The following UBE4B variants were observed in gnomAD, a reference collection of about 807,000 sequenced individuals.
UBE4B encodes the protein ubiquitination factor E4B, also known as ubiquitin conjugation factor E4 B.
UBE4B carries 27 observed loss-of-function variants against 148.1 expected under a neutral mutation model. The observed-to-expected ratio is 0.18, with a 90% CI of 0.13 to 0.25. The LOEUF is 0.25. UBE4B is among the 10% of genes least tolerant of loss of function. UBE4B has a pLI of 1.00. For synonymous variants in UBE4B, 596 were observed against 619.3 expected (o/e 0.96, Z 0.56); for missense variants, 1,170 against 1,662.4 (o/e 0.70, Z 5.15).
Position 10,150,864 on chromosome 1 carries a change from A to G in UBE4B, c.2691-462A>G, listed in dbSNP as rs1168992828. 3.2e-5 allele frequency among the ~76,000 whole-genome samples: 4 copies of G among 123,346 alleles called. No individual in the cohort carries two copies. In the East Asian group the frequency reaches 8.5e-4, roughly 26 times the overall value. The allele number at this position is 123,346 out of a possible 152,430, so 80.9% of individuals were successfully genotyped here. A position where few individuals can be genotyped will look rare whatever the true frequency, so the allele number is the denominator to read the frequency against. ...AACACAGCGAGGCTCCATCTCAAGA[A>G]AAAAAAAAAAAAATAGGCTGGGCGC... On this transcript the variant is annotated intron_variant, in intron 20 of 27. Transcript: ENST00000343090.
chr1:10,111,967 A>AG (rs1173760055), intron 7 of UBE4B, among the ~76,000 whole-genome samples: 1 of 152,116 alleles, frequency 6.6e-6, no homozygotes, highest in Non-Finnish European at 1.5e-5. Context: ...AAAAAAAAAA[A>AG]AAGAAAGAAA....
At chr1:10,140,705 T>A (rs1478771793) in intron 17 of UBE4B, among the ~76,000 whole-genome samples, 4 of 152,194 alleles carry the variant, frequency 2.6e-5, no homozygotes, top group Non-Finnish European at 5.9e-5. Flanking sequence ...CAGAGACATT[T>A]ATGTTCACCT....
intron 2 of UBE4B, among the ~76,000 whole-genome samples, chr1:10,093,190 C>T (rs997048142): frequency 9.2e-5 from 14 of 152,040 alleles, no homozygotes; most frequent in Non-Finnish European, 1.8e-4. Flanking sequence ...TTATTTACTA[C>T]CATAATGATC....
intron 17 of UBE4B, among the ~76,000 whole-genome samples, chr1:10,139,323 G>A (rs898259432): frequency 4.6e-5 from 7 of 152,042 alleles, no homozygotes; most frequent in Admixed American, 2.6e-4. Flanking sequence ...CCCGGGAGGC[G>A]GAGGTTGTAG....
chr1:10,159,257 C>T (rs1646122489), intron 22 of UBE4B, among the ~76,000 whole-genome samples: 1 of 152,132 alleles, frequency 6.6e-6, no homozygotes, highest in Non-Finnish European at 1.5e-5. Context: ...CATATACCTA[C>T]CTGAAATCTG....
At chr1:10,060,937 C>T (rs144616093) in intron 1 of UBE4B, among the ~76,000 whole-genome samples, 4 of 152,020 alleles carry the variant, frequency 2.6e-5, no homozygotes, top group African/African-American at 9.6e-5. Flanking sequence ...GTAGAGAAGT[C>T]ATCTTACTAT....
At chr1:10,044,214 C>T (rs755003948) in intron 1 of UBE4B, among the ~76,000 whole-genome samples, 42 of 152,100 alleles carry the variant, frequency 2.8e-4, no homozygotes, top group Middle Eastern at 3.4e-3. Context: ...CCACCATGCC[C>T]GGCTAATTTT....
At position 10,106,731 on chromosome 1, in the gene UBE4B, C is replaced by A; in HGVS notation, c.1196+148C>A. The A allele has an allele frequency of 8.9e-7, 1 of 1,119,360 alleles. No homozygotes were observed. Among genetic ancestry groups the A allele is most frequent in the South Asian group, 1.9e-5 (1 of 52,708 alleles). The allele number at this position is 1,119,360 out of a possible 1,614,324, so 69.3% of individuals were successfully genotyped here. ...GTGTGGCTAACTAGTTTGGTAGGCACGTACTCTGAGTCCATGCTTCTGCCA... is the reference window on the plus strand; with the variant it reads ...GTGTGGCTAACTAGTTTGGTAGGCAAGTACTCTGAGTCCATGCTTCTGCCA... On this transcript the variant is annotated intron_variant, in intron 7 of 27. Transcript: ENST00000343090. This position sits in a 1 kb window ranked among gnomAD's most constrained non-coding sequence, Gnocchi z 4.2.
intron 2 of UBE4B, among the ~76,000 whole-genome samples, chr1:10,092,068 AAGG>A (rs1228643875): frequency 6.6e-6 from 1 of 151,922 alleles, no homozygotes; most frequent in Non-Finnish European, 1.5e-5. Context: ...AAATTTAAGA[AAGG>A]AGAGAAATGG....
chr1:10,054,598 G>A (rs759696481), intron 1 of UBE4B: 18 of 259,296 alleles, frequency 6.9e-5, no homozygotes, highest in Non-Finnish European at 1.1e-4. Context: ...CCTTTAGAGC[G>A]CTTAATGTGC....
At chr1:10,113,429 C>A (rs1202495287) in intron 7 of UBE4B, among the ~76,000 whole-genome samples, 1 of 152,232 alleles carries the variant, frequency 6.6e-6, no homozygotes, top group Admixed American at 6.5e-5. Context: ...CCAAAACACA[C>A]TGAGCTCTTT....
At position 10,126,013 on chromosome 1, in the gene UBE4B, A is replaced by G. The variant is rs569614027; in HGVS notation, c.1555-781A>G. 2.0e-5 allele frequency among the ~76,000 whole-genome samples: 3 copies of G among 152,262 alleles called. No homozygotes were observed. The South Asian group carries it at 6.2e-4, about 32-fold the overall frequency. On this transcript the variant is annotated intron_variant, in intron 10 of 27. Coordinates refer to ENST00000343090, the MANE Select transcript of UBE4B (RefSeq NM_001105562.3). ...GGGGAAAAGCTTTTAAAAAATATTG[A>G]TAGAGGGCCAAGCGCGGTAGCTCAT...
chr1:10,158,801 G>T (rs1646114268), intron 22 of UBE4B, among the ~76,000 whole-genome samples: 1 of 152,094 alleles, frequency 6.6e-6, no homozygotes, highest in South Asian at 2.1e-4. Flanking sequence ...TTGAGGTCAG[G>T]AGTTCAAAAC....
chr1:10,056,094 G>A (rs1021257142), intron 1 of UBE4B, among the ~76,000 whole-genome samples: 7 of 152,182 alleles, frequency 4.6e-5, no homozygotes, highest in Non-Finnish European at 7.4e-5. Context: ...TTCTGCAGCA[G>A]GAAACCTTCT....
At chr1:10,109,806 A>G (rs1645188856) in intron 7 of UBE4B, among the ~76,000 whole-genome samples, 1 of 152,084 alleles carries the variant, frequency 6.6e-6, no homozygotes, top group Non-Finnish European at 1.5e-5. Context: ...GCATGCCACC[A>G]CACCTGGCTA....
intron 7 of UBE4B, among the ~76,000 whole-genome samples, chr1:10,109,214 CG>C (rs1645173948): frequency 6.6e-6 from 1 of 150,710 alleles, no homozygotes; most frequent in African/African-American, 2.4e-5. Context: ...ACGGGGGGGC[CG>C]GGGGGACAGA....
At chr1:10,162,598 G>A (rs1004804172) in intron 23 of UBE4B, among the ~76,000 whole-genome samples, 9 of 150,038 alleles carry the variant, frequency 6.0e-5, no homozygotes, top group Non-Finnish European at 8.9e-5. Flanking sequence ...GTGAGTCACC[G>A]CGCCCAGACT....
At chr1:10,058,606 G>A (rs1482413404) in intron 1 of UBE4B, 2 of 152,672 alleles carry the variant, frequency 1.3e-5, no homozygotes, top group Non-Finnish European at 2.9e-5. Flanking sequence ...AGGCAGTGGG[G>A]ACTCTGGAAT....
intron 5 of UBE4B, among the ~76,000 whole-genome samples, chr1:10,103,631 T>G (rs1243188082): frequency 1.4e-4 from 21 of 148,056 alleles, no homozygotes; most frequent in African/African-American, 2.7e-4. Flanking sequence ...GTTTTGTTTT[T>G]GTTTTTTTTT....
Sources: allele counts gnomAD v4.1 joint callset (sites outside exome capture counted in the v4.1 genomes callset), GRCh38; gene constraint gnomAD v4.1.1; non-coding constraint Gnocchi (gnomAD v3.1); transcripts MANE v1.5; gene names NCBI Gene and HGNC (gene_info 2026-07-23, HGNC 2026-07-21).